ACOT12: variants seen among roughly 807,000 people sequenced by gnomAD.
ACOT12 encodes acetyl-coenzyme A thioesterase.
In ACOT12, 51 loss-of-function variants were observed where a neutral mutation model predicts 67.7. The ratio of observed to expected loss-of-function variants is 0.75; its 90% CI spans 0.60 to 0.95. The LOEUF (loss-of-function observed/expected upper bound fraction) is 0.95. Among genes scored for constraint, ACOT12 ranks in the 40% least tolerant of loss-of-function variants. ACOT12 has a pLI of 0.00. For missense variants in ACOT12, 734 were observed against 708.1 expected (o/e 1.04, Z -0.41); for synonymous variants, 251 against 244.6 (o/e 1.03, Z -0.24).
At chr5:81,373,651 A>C (rs1760322356) in intron 2 of ACOT12, among the ~76,000 whole-genome samples, 1 of 152,172 alleles carries the variant, frequency 6.6e-6, no homozygotes, top group Non-Finnish European at 1.5e-5. Flanking sequence ...CAGCAGTCTG[A>C]GATCAAACTA....
intron 5 of ACOT12, among the ~76,000 whole-genome samples, chr5:81,359,546 T>C (rs1297219553): frequency 6.6e-6 from 1 of 152,224 alleles, no homozygotes; most frequent in Non-Finnish European, 1.5e-5. Flanking sequence ...TATGAAACCG[T>C]GGACGAGAAA....
chr5:81,367,297 A>T (rs963805410), intron 3 of ACOT12, among the ~76,000 whole-genome samples: 1 of 152,166 alleles, frequency 6.6e-6, no homozygotes, highest in African/African-American at 2.4e-5. Context: ...TATATAAAAT[A>T]CTTCTTTTCA....
chr5:81,365,615 G>A lies in ACOT12; in HGVS notation c.259-1726C>T, dbSNP rs1760054463. Among the ~76,000 whole-genome samples the A allele has an allele frequency of 1.3e-5, 2 of 152,176 alleles. 1 individual carries two copies. Among genetic ancestry groups the A allele is most frequent in the Admixed American group, 1.3e-4 (2 of 15,270 alleles). On this transcript the variant is annotated intron_variant, in intron 3 of 14. Coordinates refer to ENST00000307624, the MANE Select transcript of ACOT12 (RefSeq NM_130767.3). ...CATATGCCAGGGAGAATTTCATTGTGTTATAAGAGATTAGGTAAGATTGGA... is the reference window on the plus strand; with the variant it reads ...CATATGCCAGGGAGAATTTCATTGTATTATAAGAGATTAGGTAAGATTGGA...
At chr5:81,376,856 C>T (rs910607040) in intron 2 of ACOT12, among the ~76,000 whole-genome samples, 1 of 151,990 alleles carries the variant, frequency 6.6e-6, no homozygotes, top group African/African-American at 2.4e-5. Context: ...AATAGCCTAC[C>T]AACCAAAAAA....
chr5:81,394,080 C>A lies in ACOT12; in HGVS notation c.35G>T (p.Ser12Ile). The A allele has an allele frequency of 6.8e-7, 1 of 1,468,472 alleles. No individual in the cohort carries two copies. Among genetic ancestry groups the A allele is most frequent in the South Asian group, 1.3e-5 (1 of 76,220 alleles). 91.0% of individuals were successfully genotyped at this position (1,468,472 alleles called of 1,614,324 possible). A position where few individuals can be genotyped will look rare whatever the true frequency, so the allele number is the denominator to read the frequency against. ...GGCGTGCGCCGGCTGGATGGCTTGGCTCATGACCACCTCGCCGGGCGCCGG... is the reference window on the plus strand; with the variant it reads ...GGCGTGCGCCGGCTGGATGGCTTGGATCATGACCACCTCGCCGGGCGCCGG... ...ERPAPGEVVMSQAIQPAHATA... is the reference protein window; with the variant it reads ...ERPAPGEVVMIQAIQPAHATA... The change falls in exon 1 of 15, where the codon AGC becomes ATC. Residue 12 changes from serine (S) to isoleucine (I), a missense_variant. Coordinates refer to ENST00000307624, the MANE Select transcript of ACOT12 (RefSeq NM_130767.3).
the ACOT12 span, among the ~76,000 whole-genome samples, chr5:81,322,382 G>A: frequency 8.6e-5 from 13 of 151,708 alleles, no homozygotes; most frequent in South Asian, 2.1e-4. Context: ...ATATTATTCC[G>A]GAAGGCGGAA....
At chr5:81,359,830 G>C in intron 5 of ACOT12, 73 bp downstream of exon 5, 1 of 1,460,344 alleles carries the variant, frequency 6.8e-7, no homozygotes, top group Admixed American at 2.2e-5. Context: ...GTGAAAATAA[G>C]TGTGCTCTAA....
chr5:81,332,338 G>T, intron 13 of ACOT12, 139 bp downstream of exon 13: 2 of 972,782 alleles, frequency 2.1e-6, no homozygotes, highest in Non-Finnish European at 2.9e-6. Flanking sequence ...AATAGCTAAA[G>T]ATTCATCTAG....
chr5:81,392,587 C>T (rs1760893454), intron 1 of ACOT12, among the ~76,000 whole-genome samples: 1 of 152,100 alleles, frequency 6.6e-6, no homozygotes, highest in Admixed American at 6.5e-5. Flanking sequence ...AGCAAGGTAA[C>T]TAAAAGTCAC....
At chr5:81,320,035 TAGAG>T in the ACOT12 span, among the ~76,000 whole-genome samples, 11 of 152,150 alleles carry the variant, frequency 7.2e-5, no homozygotes, top group African/African-American at 1.4e-4. Flanking sequence ...AATGTGAAGA[TAGAG>T]AGAAATGGAC....
rs1482293484 is a variant in ACOT12 at position 81,363,835 on chromosome 5, T to C, written c.313A>G (p.Ser105Gly). The change falls in exon 4 of 15, where the codon AGT (serine) becomes GGT (glycine). Residue 105 changes from serine to glycine, a missense_variant. Transcript: ENST00000307624. ...GCTACAAATGTGGAGAAAGCCACAC[T>C]AACAAGCTTCTCAATGCCAGTGAGC... ...DMLTGIEKLV[S>G]VAFSTFVAKP... The C allele has an allele frequency of 6.2e-7, 1 of 1,612,476 alleles. No individual in the cohort carries two copies. The highest frequency in any genetic ancestry group is 8.5e-7 in the Non-Finnish European group (1 of 1,179,412).
intron 1 of ACOT12, 58 bp from the exon 2 acceptor site, chr5:81,385,884 T>C: frequency 6.7e-7 from 1 of 1,502,738 alleles, no homozygotes; most frequent in East Asian, 2.3e-5. Flanking sequence ...TATTTCAGTA[T>C]AAGGGAAAGG....
intron 5 of ACOT12, among the ~76,000 whole-genome samples, chr5:81,356,074 T>C (rs894797630): frequency 1.3e-5 from 2 of 152,054 alleles, no homozygotes; most frequent in African/African-American, 4.8e-5. Flanking sequence ...TCCTTGTACA[T>C]GTGCTTCAAA....
chr5:81,378,421 C>T (rs1299789334), intron 2 of ACOT12, among the ~76,000 whole-genome samples: 8 of 152,010 alleles, frequency 5.3e-5, no homozygotes, highest in Non-Finnish European at 8.8e-5. Flanking sequence ...AGGACATAGG[C>T]GTGGGCAAAG....
intron 11 of ACOT12, among the ~76,000 whole-genome samples, chr5:81,336,936 A>G (rs556795055): frequency 1.1e-3 from 169 of 152,342 alleles, no homozygotes; most frequent in African/African-American, 3.8e-3. Context: ...TGCTTACACC[A>G]TTTAACCTCT....
chr5:81,344,972 G>A lies in ACOT12; in HGVS notation c.843C>T (p.Ile281=), dbSNP rs570010175. Residue 281 remains isoleucine (I), a synonymous_variant, in exon 8 of 15, where the codon ATC becomes ATT. Transcript: ENST00000307624. ...CATTGTAAATGAGAAAAGCACTGTT[G>A]ATGTGACGCCCTCGGCCCTCGGCCC... ...QEWAEGRGRH[I]NSAFLIYNAA... is the part of the protein sequence containing the mutation. The A allele has an allele frequency of 2.5e-6, 4 of 1,614,202 alleles. No individual in the cohort carries two copies. The Admixed American group carries it at 6.7e-5, about 27-fold the overall frequency.
rs920303941 is a variant in ACOT12 at position 81,363,860 on chromosome 5, C to A, written c.288G>T (p.Met96Ile). The change falls in exon 4 of 15, where the codon ATG (methionine) becomes ATT (isoleucine). Residue 96 changes from methionine (M) to isoleucine (I), a missense_variant. By Grantham distance (10) the Met-to-Ile change is conservative. Transcript: ENST00000307624. ...EISIKVMVQD[M>I]LTGIEKLVSV... ...TAACAAGCTTCTCAATGCCAGTGAG[C>A]ATATCCTGTACCATGACCTTGATAC... The A allele has an allele frequency of 6.2e-7, 1 of 1,611,200 alleles. No homozygotes were observed. The highest frequency in any genetic ancestry group is 1.3e-5 in the African/African-American group (1 of 74,766).
chr5:81,317,104 G>A, the ACOT12 span, among the ~76,000 whole-genome samples: 105 of 152,172 alleles, frequency 6.9e-4, no homozygotes, highest in Non-Finnish European at 1.3e-3. Context: ...TGTTTTTGGT[G>A]TTATCTTTGA....
Position 81,345,912 on chromosome 5 carries a change from G to T in ACOT12, c.746C>A (p.Ala249Asp). 3.7e-6 allele frequency: 6 copies of T among 1,613,946 alleles called. No homozygotes were observed. Among genetic ancestry groups the T allele is most frequent in the Non-Finnish European group, 4.2e-6 (5 of 1,179,902 alleles). ...STVGDRLVFTAIVNNTFQTCV... is the reference protein window; with the variant it reads ...STVGDRLVFTDIVNNTFQTCV... ...GGTCTGAAATGTATTGTTGACAATGGCAGTGAAGACAAGACGATCTCCAAC... is the reference window on the plus strand; with the variant it reads ...GGTCTGAAATGTATTGTTGACAATGTCAGTGAAGACAAGACGATCTCCAAC... Residue 249 changes from alanine to aspartate, a missense_variant, in exon 7 of 15, where the codon GCC becomes GAC. Ala to Asp is a moderately radical substitution (Grantham distance 126). Transcript: ENST00000307624.
Sources: gnomAD v4.1 joint callset for allele counts (sites outside exome capture counted in the v4.1 genomes callset) on GRCh38, gnomAD v4.1.1 for gene constraint, MANE v1.5 for transcripts, NCBI Gene and HGNC (gene_info 2026-07-23, HGNC 2026-07-21) for gene names.